Variants in MUSK observed in about 807,000 individuals in gnomAD.
The protein encoded by MUSK is muscle, skeletal receptor tyrosine-protein kinase.
In MUSK, 55 loss-of-function variants were observed where a neutral mutation model predicts 88.7. The ratio of observed to expected loss-of-function variants is 0.62; its 90% confidence interval spans 0.50 to 0.78. MUSK has a LOEUF of 0.78. MUSK is among the 30% of genes least tolerant of loss of function. The pLI is 0.00. For missense variants in MUSK, 1,015 were observed against 1,074.3 expected (o/e 0.94, Z 0.77); for synonymous variants, 387 against 391.9 (o/e 0.99, Z 0.15).
chr9:110,688,184 C>T (rs1169541714), intron 3 of MUSK, among the ~76,000 whole-genome samples: 2 of 152,092 alleles, frequency 1.3e-5, no homozygotes, highest in Non-Finnish European at 2.9e-5. Flanking sequence ...GTCATCTGCT[C>T]TTCTAGGCAC....
At chr9:110,750,978 G>C (rs1190541009) in intron 7 of MUSK, among the ~76,000 whole-genome samples, 3 of 152,136 alleles carry the variant, frequency 2.0e-5, no homozygotes, top group Admixed American at 6.6e-5. Flanking sequence ...TGGAAGAGCA[G>C]GTGGTCAGGA....
intron 5 of MUSK, among the ~76,000 whole-genome samples, chr9:110,713,667 A>G (rs2076706051): frequency 6.6e-6 from 1 of 152,202 alleles, no homozygotes; most frequent in South Asian, 2.1e-4. Context: ...TTCCATCTAA[A>G]AGGTTACAGA....
intron 6 of MUSK, among the ~76,000 whole-genome samples, chr9:110,744,652 C>G (rs1241347148): frequency 6.6e-6 from 1 of 152,112 alleles, no homozygotes; most frequent in African/African-American, 2.4e-5. Flanking sequence ...TAAACATATA[C>G]AGTGAAATGA....
At chr9:110,738,279 G>T (rs537549812) in intron 6 of MUSK, among the ~76,000 whole-genome samples, 1 of 138,686 alleles carries the variant, frequency 7.2e-6, no homozygotes, top group East Asian at 2.0e-4. Flanking sequence ...TAGGATTTCA[G>T]GTCCATAAAC....
chr9:110,748,895 C>A (rs1009529713), intron 7 of MUSK, among the ~76,000 whole-genome samples: 31 of 152,128 alleles, frequency 2.0e-4, no homozygotes, highest in African/African-American at 7.5e-4. Context: ...TCTCCTTTCT[C>A]CCCCCAGTGA....
chr9:110,728,617 C>A, intron 5 of MUSK: 1 of 973,076 alleles, frequency 1.0e-6, no homozygotes, highest in South Asian at 1.4e-5. Context: ...CAAAGATTTC[C>A]CTTTTCATGA....
chr9:110,689,971 T>TAAATA (rs1306948059), intron 3 of MUSK, among the ~76,000 whole-genome samples: 3 of 80,232 alleles, frequency 3.7e-5, no homozygotes, highest in Admixed American at 2.1e-4. Flanking sequence ...TATTTATATA[T>TAAATA]TATATTATAA....
rs1333376109 is a variant in MUSK at position 110,701,664 on chromosome 9, T to TC, written c.628+4198_628+4199insC. Among the ~76,000 whole-genome samples the TC allele has an allele frequency of 2.7e-4, 7 of 25,742 alleles. 2 individuals are homozygous for TC. Among genetic ancestry groups the TC allele is most frequent in the Non-Finnish European group, 4.9e-4 (7 of 14,212 alleles). 16.9% of individuals were successfully genotyped at this position (25,742 alleles called of 152,430 possible). A position where few individuals can be genotyped will look rare whatever the true frequency, so the allele number is the denominator to read the frequency against. On this transcript the variant is annotated intron_variant, in intron 5 of 14. Transcript: ENST00000374448. Reference sequence around the variant, plus strand: ...ACTGTGCTCAGCTATTTATTTTATTTATTTTATTTTATTTTTTTTACTTTA... The same window carrying TC: ...ACTGTGCTCAGCTATTTATTTTATTTCATTTTATTTTATTTTTTTTACTTTA...
rs1247999308 is a variant in MUSK at position 110,800,876 on chromosome 9, A to G, written c.2498A>G (p.Asn833Ser). 8.2e-6 allele frequency: 13 copies of G among 1,585,628 alleles called. No homozygotes were observed. The highest frequency in any genetic ancestry group is 2.7e-5 in the African/African-American group (2 of 74,144). ...CPENCPVELYNLMRLCWSKLP... is the reference protein window; with the variant it reads ...CPENCPVELYSLMRLCWSKLP... Reference sequence around the variant, plus strand: ...GAGAACTGCCCCGTGGAGCTGTACAATCTCATGCGTCTATGTTGGAGCAAG... The same window carrying G: ...GAGAACTGCCCCGTGGAGCTGTACAGTCTCATGCGTCTATGTTGGAGCAAG... The change falls in exon 15 of 15, where the codon AAT becomes AGT. Residue 833 changes from asparagine (N) to serine (S), a missense_variant. Physicochemically the swap from Asn to Ser is conservative, Grantham distance 46 (BLOSUM62 1). Coordinates refer to ENST00000374448, the MANE Select transcript of MUSK (RefSeq NM_005592.4).
chr9:110,715,915 G>A, intron 5 of MUSK, among the ~76,000 whole-genome samples: 1 of 149,282 alleles, frequency 6.7e-6, no homozygotes, highest in Non-Finnish European at 1.5e-5. Context: ...AGTGGGAGCT[G>A]AACGATGAGA....
At chr9:110,740,142 A>G (rs2077078575) in intron 6 of MUSK, among the ~76,000 whole-genome samples, 3 of 152,196 alleles carry the variant, frequency 2.0e-5, no homozygotes, top group Admixed American at 2.0e-4. Flanking sequence ...ACCCAATCCA[A>G]GGCACATTCC....
Position 110,689,800 on chromosome 9 carries a change from T to TAATATATAACTATATATTTAAATATATA in MUSK, c.358+2538_358+2565dup, listed in dbSNP as rs1554735550. Among the ~76,000 whole-genome samples the TAATATATAACTATATATTTAAATATATA allele has an allele frequency of 1.2e-3, 65 of 56,230 alleles. 1 individual carries two copies. Among genetic ancestry groups the TAATATATAACTATATATTTAAATATATA allele is most frequent in the African/African-American group, 3.6e-3 (64 of 17,624 alleles). The allele number at this position is 56,230 out of a possible 152,430, so 36.9% of individuals were successfully genotyped here. A position where few individuals can be genotyped will look rare whatever the true frequency, so the allele number is the denominator to read the frequency against. On this transcript the variant is annotated intron_variant, in intron 3 of 14. Transcript: ENST00000374448. Reference sequence around the variant, plus strand: ...TATAGTTTATATATTTTTTAATATATAATATATAACTATATATTTAAATAT... The same window carrying TAATATATAACTATATATTTAAATATATA: ...TATAGTTTATATATTTTTTAATATATAATATATAACTATATATTTAAATATATAAATATATAACTATATATTTAAATAT...
rs1205753487 is a variant in MUSK, at chr9:110,804,986, T to C, written c.*3998T>C. On this transcript the variant is annotated 3_prime_UTR_variant, in exon 15 of 15. Coordinates refer to ENST00000374448, the MANE Select transcript of MUSK (RefSeq NM_005592.4). ...AGCCTTGCTTTTATCACTTAATATA[T>C]CTTAAACATCTTCTACATGAACAAG... is the stretch of plus-strand genomic sequence containing the variant. Among the ~76,000 whole-genome samples the C allele has an allele frequency of 1.3e-5, 2 of 151,898 alleles. No individual in the cohort carries two copies. The highest frequency in any genetic ancestry group is 2.9e-5 in the Non-Finnish European group (2 of 67,800).
intron 5 of MUSK, among the ~76,000 whole-genome samples, chr9:110,725,052 C>T (rs1376048135): frequency 6.6e-6 from 1 of 151,892 alleles, no homozygotes; most frequent in Non-Finnish European, 1.5e-5. Context: ...AACAGTTTTC[C>T]TATATAGCAG....
At chr9:110,704,202 T>C (rs2076567055) in intron 5 of MUSK, among the ~76,000 whole-genome samples, 1 of 152,250 alleles carries the variant, frequency 6.6e-6, no homozygotes. Context: ...AGATTATTTG[T>C]TACAAAGTTA....
chr9:110,670,965 TA>T (rs1278603063), intron 1 of MUSK, among the ~76,000 whole-genome samples: 3 of 151,444 alleles, frequency 2.0e-5, no homozygotes, highest in African/African-American at 7.4e-5. Flanking sequence ...AAAATTTTAT[TA>T]TTTTCATTAT....
In MUSK at chr9:110,668,798, A is replaced by G; in HGVS notation, c.-107A>G. ...GGAGCTGCTGACACAAACAGTCATT[A>G]GCAGACAACCCTTTTGCAACAAAGT... On this transcript the variant is annotated 5_prime_UTR_variant, in exon 1 of 15. Coordinates refer to ENST00000374448, the MANE Select transcript of MUSK (RefSeq NM_005592.4). 2 of 835,232 alleles carry G rather than the reference A, an allele frequency of 2.4e-6. No homozygotes were observed. The highest frequency in any genetic ancestry group is 3.0e-5 in the South Asian group (2 of 66,336). The allele number at this position is 835,232 out of a possible 1,614,324, so 51.7% of individuals were successfully genotyped here.
At chr9:110,681,697 T>C (rs1357990663) in intron 1 of MUSK, among the ~76,000 whole-genome samples, 5 of 151,994 alleles carry the variant, frequency 3.3e-5, no homozygotes, top group Admixed American at 1.3e-4. Flanking sequence ...TTTTTCACTC[T>C]CAGCAGATGA....
At chr9:110,669,040 A>G in intron 1 of MUSK, 57 bp downstream of exon 1, 4 of 1,426,560 alleles carry the variant, frequency 2.8e-6, no homozygotes, top group Non-Finnish European at 4.0e-6. Flanking sequence ...AAGTGTGTGT[A>G]TATGAGATAT....
Sources: gnomAD v4.1 joint callset for allele counts (sites outside exome capture counted in the v4.1 genomes callset) on GRCh38, gnomAD v4.1.1 for gene constraint, MANE v1.5 for transcripts, NCBI Gene and HGNC (gene_info 2026-07-23, HGNC 2026-07-21) for gene names.